The following RTN1 variants were observed in gnomAD, a reference collection of about 807,000 sequenced individuals.
RTN1 encodes the protein reticulon-1.
RTN1 carries 25 observed loss-of-function variants against 65.5 expected under a neutral mutation model. The ratio of observed to expected loss-of-function variants is 0.38; its 90% CI spans 0.28 to 0.53. The LOEUF is 0.53. Among genes scored for constraint, RTN1 ranks in the 20% least tolerant of loss-of-function variants. The pLI, the probability that RTN1 is intolerant of heterozygous loss-of-function variation, is 0.79. For synonymous variants in RTN1, 471 were observed against 447.6 expected, an observed-to-expected ratio of 1.05 and a Z score of -0.66; for missense variants, 983 against 1,025.4, an observed-to-expected ratio of 0.96 and a Z score of 0.57.
intron 3 of RTN1, among the ~76,000 whole-genome samples, chr14:59,663,179 T>G (rs1483390398): frequency 1.3e-5 from 2 of 152,130 alleles, no homozygotes; most frequent in Non-Finnish European, 2.9e-5. Flanking sequence ...GATTCCCTAT[T>G]TAATAAATGG....
intron 3 of RTN1, among the ~76,000 whole-genome samples, chr14:59,663,267 G>A (rs751350012): frequency 3.7e-4 from 56 of 152,088 alleles, no homozygotes; most frequent in Non-Finnish European, 6.6e-4. Context: ...AAGTTAACTC[G>A]AGATGGATTA....
At chr14:59,672,151 C>T (rs532164941) in intron 3 of RTN1, among the ~76,000 whole-genome samples, 10 of 152,206 alleles carry the variant, frequency 6.6e-5, no homozygotes, top group African/African-American at 1.9e-4. Flanking sequence ...AGCCTTACTA[C>T]TTTAGATGCC....
chr14:59,608,615 A>G (rs1352621589), intron 3 of RTN1, among the ~76,000 whole-genome samples: 1 of 152,154 alleles, frequency 6.6e-6, no homozygotes, highest in Admixed American at 6.5e-5. Context: ...GGTCTAAAAG[A>G]GTCTCCTTCA....
intron 3 of RTN1, among the ~76,000 whole-genome samples, chr14:59,670,171 TGA>T (rs1443732153): frequency 6.6e-6 from 1 of 152,206 alleles, no homozygotes. Flanking sequence ...AATAGTGTAG[TGA>T]GATAGTGTAA....
intron 3 of RTN1, among the ~76,000 whole-genome samples, chr14:59,645,394 T>C (rs2349696): frequency 0.29 from 43,416 of 147,322 alleles, 7,213 homozygotes; most frequent in Admixed American, 0.43. Flanking sequence ...ATGTTTTCTA[T>C]ATATTACATG....
chr14:59,800,483 C>T (rs1026926598), intron 1 of RTN1, among the ~76,000 whole-genome samples: 5 of 152,166 alleles, frequency 3.3e-5, no homozygotes, highest in Admixed American at 2.6e-4. Context: ...TCACTGCAAG[C>T]TCTGCCTCCA....
intron 1 of RTN1, among the ~76,000 whole-genome samples, chr14:59,828,159 C>T (rs981451021): frequency 6.6e-6 from 1 of 152,172 alleles, no homozygotes; most frequent in East Asian, 1.9e-4. Flanking sequence ...GACATTCCCT[C>T]GTGTATCTTT....
In RTN1 at chr14:59,745,877, T is replaced by C. The variant is rs1181115379; in HGVS notation, c.846A>G (p.Lys282=). The change falls in exon 2 of 9, where the codon AAA becomes AAG. Residue 282 remains lysine, a synonymous_variant. Coordinates refer to ENST00000267484, the MANE Select transcript of RTN1 (RefSeq NM_021136.3). ...RRAPQITTPV[K]ITLTEIEPSV... is the part of the protein sequence containing the mutation. The stretch of plus-strand genomic sequence containing the variant: ...AAGGTTCTATTTCCGTCAGTGTGAT[T>C]TTGACAGGGGTGGTGATCTGAGGAG... 6 of 1,614,108 alleles carry C rather than the reference T, an allele frequency of 3.7e-6. No individual in the cohort carries two copies. The highest frequency in any genetic ancestry group is 5.1e-6 in the Non-Finnish European group (6 of 1,180,014).
intron 3 of RTN1, among the ~76,000 whole-genome samples, chr14:59,672,513 G>A (rs1883527722): frequency 6.6e-6 from 1 of 151,900 alleles, no homozygotes; most frequent in South Asian, 2.1e-4. Context: ...TAATATCAAG[G>A]AAGGTGCTGT....
intron 2 of RTN1, among the ~76,000 whole-genome samples, chr14:59,734,262 G>A (rs1386725781): frequency 6.6e-6 from 1 of 152,156 alleles, no homozygotes; most frequent in East Asian, 1.9e-4. Context: ...AGGTAGATAA[G>A]CCCACAAAAA....
At chr14:59,838,570 G>T (rs1887254742) in intron 1 of RTN1, among the ~76,000 whole-genome samples, 1 of 152,064 alleles carries the variant, frequency 6.6e-6, no homozygotes, top group Non-Finnish European at 1.5e-5. Flanking sequence ...GATGTCAGAA[G>T]ATGTTGAAAA....
rs1458337973 is a variant in RTN1, at chr14:59,846,702, T to C, written c.241+23688A>G. On this transcript the variant is annotated intron_variant, in intron 1 of 8. Coordinates refer to ENST00000267484, the MANE Select transcript of RTN1 (RefSeq NM_021136.3). The surrounding 1 kb of genome is among the most constrained non-coding windows in gnomAD (Gnocchi z 4.8). The stretch of plus-strand genomic sequence containing the variant: ...TACATTTATTTGTAATAAAACAGTG[T>C]TTTGAATGGCTTACTACTGGAGAAA... 6.6e-6 allele frequency among the ~76,000 whole-genome samples: 1 copy of C among 152,176 alleles called. No individual in the cohort carries two copies. Among genetic ancestry groups the C allele is most frequent in the Admixed American group, 6.5e-5 (1 of 15,270 alleles).
rs183180745 is a variant in RTN1 at position 59,839,105 on chromosome 14, T to C, written c.241+31285A>G. Reference sequence around the variant, plus strand: ...TCTCTCAAGTTGAAATTCTTCATTATGAATCAAAAAGAGAGGCTTCAAATG... The same window carrying C: ...TCTCTCAAGTTGAAATTCTTCATTACGAATCAAAAAGAGAGGCTTCAAATG... On this transcript the variant is annotated intron_variant, in intron 1 of 8. Transcript: ENST00000267484. 2.0e-3 allele frequency among the ~76,000 whole-genome samples: 302 copies of C among 152,320 alleles called. 1 individual carries two copies. Among genetic ancestry groups the C allele is most frequent in the African/African-American group, 7.0e-3 (293 of 41,576 alleles).
At chr14:59,772,612 TA>T (rs1283353862) in intron 1 of RTN1, among the ~76,000 whole-genome samples, 2 of 152,060 alleles carry the variant, frequency 1.3e-5, no homozygotes, top group East Asian at 1.9e-4. Flanking sequence ...AAAATGATGC[TA>T]AATCATAAAA....
chr14:59,722,865 A>T (rs1192906500), intron 3 of RTN1, among the ~76,000 whole-genome samples: 1 of 151,204 alleles, frequency 6.6e-6, no homozygotes, highest in Non-Finnish European at 1.5e-5. Context: ...TGGTGTGATC[A>T]AAGCTCACTG....
At chr14:59,607,658 T>C in intron 3 of RTN1, 166 bp from the exon 4 acceptor site, 1 of 629,264 alleles carries the variant, frequency 1.6e-6, no homozygotes, top group Non-Finnish European at 2.8e-6. Context: ...CTTACTGTCA[T>C]TCCACTTTGG....
chr14:59,735,510 A>G (rs772319201), intron 2 of RTN1, among the ~76,000 whole-genome samples: 6 of 152,232 alleles, frequency 3.9e-5, no homozygotes, highest in Admixed American at 1.3e-4. Flanking sequence ...ATGCAAAGAC[A>G]TATATAGGCT....
chr14:59,699,637 T>C (rs1171359811), intron 3 of RTN1, among the ~76,000 whole-genome samples: 1 of 152,146 alleles, frequency 6.6e-6, no homozygotes, highest in Non-Finnish European at 1.5e-5. Flanking sequence ...AAGGAGAAGT[T>C]TGAGGCCAGT....
chr14:59,610,180 C>G, intron 3 of RTN1: 1 of 761,728 alleles, frequency 1.3e-6, no homozygotes, highest in Non-Finnish European at 2.4e-6. Context: ...AGGAGGCCAC[C>G]TGCTCAAGAA....
Sources: allele counts gnomAD v4.1 joint callset (sites outside exome capture counted in the v4.1 genomes callset), GRCh38; gene constraint gnomAD v4.1.1; non-coding constraint Gnocchi (gnomAD v3.1); transcripts MANE v1.5; gene names NCBI Gene and HGNC (gene_info 2026-07-23, HGNC 2026-07-21).